The following HAS1 variants were observed in gnomAD, a reference collection of about 807,000 sequenced individuals.
HAS1 encodes the protein HA synthase 1.
In HAS1, 27 loss-of-function variants were observed where a neutral mutation model predicts 35.0. The ratio of observed to expected loss-of-function variants is 0.77; its 90% CI spans 0.57 to 1.06. The LOEUF (loss-of-function observed/expected upper bound fraction) is 1.06. HAS1 is among the 50% of genes least tolerant of loss of function. The probability of loss-of-function intolerance (pLI) is 0.00; values close to 1 mark genes in which losing one functional copy is unlikely to be tolerated. For missense variants in HAS1, 940 were observed against 814.8 expected (o/e 1.15, Z -1.87); for synonymous variants, 409 against 371.2 (o/e 1.10, Z -1.17).
Position 51,713,902 on chromosome 19 carries a change from C to T in HAS1, c.1259G>A (p.Arg420His), listed in dbSNP as rs1416323528. 6.2e-7 allele frequency: 1 copy of T among 1,607,106 alleles called. No homozygotes were observed. The highest frequency in any genetic ancestry group is 8.5e-7 in the Non-Finnish European group (1 of 1,179,928). The change falls in exon 5 of 5, where the codon CGT becomes CAT. Residue 420 changes from arginine (R) to histidine (H), a missense_variant. Coordinates refer to ENST00000540069, the MANE Select transcript of HAS1 (RefSeq NM_001297436.2). The surrounding 1 kb of genome is among the most constrained non-coding windows in gnomAD (Gnocchi z 4.5). The stretch of plus-strand genomic sequence containing the variant: ...CCAAGGGCGGCCCGCGTAGAACAGA[C>T]GCAGCACAGTGGCCGCCACGAAGAA... Reference protein sequence around the residue: ...FPFFVAATVLRLFYAGRPWAL... With the variant: ...FPFFVAATVLHLFYAGRPWAL...
At position 51,717,207 on chromosome 19, in the gene HAS1, G is replaced by A; in HGVS notation, c.700-14C>T. 6.3e-7 allele frequency: 1 copy of A among 1,577,018 alleles called. No individual in the cohort carries two copies. Among genetic ancestry groups the A allele is most frequent in the Non-Finnish European group, 8.7e-7 (1 of 1,149,326 alleles). On this transcript the variant is annotated splice_polypyrimidine_tract_variant and intron_variant, in intron 2 of 4. Transcript: ENST00000540069. ...CGAGTCACAGACCTGTAAGGTGGAA[G>A]GGGCCAGGATCAGCACAGACCCCTG... is the stretch of plus-strand genomic sequence containing the variant.
At chr19:51,723,122 C>T (rs755713585) in intron 1 of HAS1, among the ~76,000 whole-genome samples, 15 of 152,138 alleles carry the variant, frequency 9.9e-5, no homozygotes, top group Admixed American at 3.3e-4. Context: ...GATGAACACA[C>T]GTGTAGACAC....
At position 51,719,895 on chromosome 19, in the gene HAS1, C is replaced by T. The variant is rs536327922; in HGVS notation, c.10G>A (p.Asp4Asn). 3.9e-6 allele frequency: 6 copies of T among 1,530,972 alleles called. No individual in the cohort carries two copies. In the African/African-American group the frequency reaches 6.9e-5, roughly 18 times the overall value. The allele number at this position is 1,530,972 out of a possible 1,614,324, so 94.8% of individuals were successfully genotyped here. Residue 4 changes from aspartate to asparagine, a missense_variant and splice_region_variant, in exon 2 of 5, where the codon GAC becomes AAC. Physicochemically the swap from Asp to Asn is conservative, Grantham distance 23. Coordinates refer to ENST00000540069, the MANE Select transcript of HAS1 (RefSeq NM_001297436.2). The part of the protein sequence containing the change: MRQ[D>N]APKPTPAACR... ...GCTGCAGGAGTGGGCTTGGGCGCGTCCTGCTGGGAGCGAGAGGGGAAAGGA... is the reference window on the plus strand; with the variant it reads ...GCTGCAGGAGTGGGCTTGGGCGCGTTCTGCTGGGAGCGAGAGGGGAAAGGA...
rs1227890289 is a variant in HAS1 at position 51,713,354 on chromosome 19, C to G, written c.*73G>C. Reference sequence around the variant, plus strand: ...GGCCCAGAGAACCACCCAGCAAGTTCGTGGCTCGGGGCCCAGCAGCTCTCC... The same window carrying G: ...GGCCCAGAGAACCACCCAGCAAGTTGGTGGCTCGGGGCCCAGCAGCTCTCC... On this transcript the variant is annotated 3_prime_UTR_variant, in exon 5 of 5. Coordinates refer to ENST00000540069, the MANE Select transcript of HAS1 (RefSeq NM_001297436.2). The surrounding 1 kb of genome is among the most constrained non-coding windows in gnomAD (Gnocchi z 4.5). The G allele has an allele frequency of 5.8e-6, 8 of 1,372,376 alleles. No homozygotes were observed. Among genetic ancestry groups the G allele is most frequent in the Non-Finnish European group, 7.6e-6 (8 of 1,047,754 alleles). The allele number at this position is 1,372,376 out of a possible 1,614,324, so 85.0% of individuals were successfully genotyped here.
At chr19:51,717,364 C>T (rs1599793023) in intron 2 of HAS1, among the ~76,000 whole-genome samples, 171 bp from the exon 3 acceptor site, 1 of 152,148 alleles carries the variant, frequency 6.6e-6, no homozygotes, top group Non-Finnish European at 1.5e-5. Flanking sequence ...AACATGTACT[C>T]CAAGATGCAC....
rs1194163032 is a variant in HAS1, at chr19:51,714,091, C to T, written c.1070G>A (p.Arg357Lys). 1 of 1,612,328 alleles carries T rather than the reference C, an allele frequency of 6.2e-7. No individual in the cohort carries two copies. The highest frequency in any genetic ancestry group is 2.2e-5 in the East Asian group (1 of 44,808). The part of the protein sequence containing the change: ...SMGYATKYTS[R>K]SRCYSETPSS... ...GGGCGTCTCTGAGTAGCAGCGGGAC[C>T]TGGAGGTGTACCTGCACGGGGGCGA... The change falls in exon 5 of 5, where the codon AGG becomes AAG. Residue 357 changes from arginine (R) to lysine (K), a missense_variant. By Grantham distance (26) the Arg-to-Lys change is conservative (BLOSUM62 2). Coordinates refer to ENST00000540069, the MANE Select transcript of HAS1 (RefSeq NM_001297436.2).
intron 4 of HAS1, among the ~76,000 whole-genome samples, chr19:51,714,354 C>A (rs575112433): frequency 7.0e-5 from 10 of 142,382 alleles, no homozygotes; most frequent in African/African-American, 2.6e-4. Context: ...GGCAACATAG[C>A]AAGACCCCAT....
In HAS1 at chr19:51,713,554, T is replaced by A. The variant is rs780313591; in HGVS notation, c.1607A>T (p.Glu536Val). The change falls in exon 5 of 5, where the codon GAG becomes GTG. Residue 536 changes from glutamate (E) to valine (V), a missense_variant. Physicochemically the swap from Glu to Val is moderately radical, Grantham distance 121 (BLOSUM62 -2). Transcript: ENST00000540069. The surrounding 1 kb of genome is among the most constrained non-coding windows in gnomAD (Gnocchi z 4.5). ...ADWSGPSRAA[E>V]AYHLAAGAGA... ...GGCCCCCGCGGCCAAGTGGTAGGCC[T>A]CGGCTGCGCGGGAAGGGCCGCTCCA... is the stretch of plus-strand genomic sequence containing the variant. The A allele has an allele frequency of 6.3e-6, 10 of 1,581,678 alleles. No homozygotes were observed. In the East Asian group the frequency reaches 2.1e-4, roughly 33 times the overall value.
chr19:51,714,093 G>C lies in HAS1; in HGVS notation c.1068C>G (p.Ser356=). ...LSMGYATKYT[S]RSRCYSETPS... ...GCGTCTCTGAGTAGCAGCGGGACCTGGAGGTGTACCTGCACGGGGGCGAGG... is the reference window on the plus strand; with the variant it reads ...GCGTCTCTGAGTAGCAGCGGGACCTCGAGGTGTACCTGCACGGGGGCGAGG... The change falls in exon 5 of 5, where the codon TCC becomes TCG. Residue 356 remains serine (S), a synonymous_variant. Coordinates refer to ENST00000540069, the MANE Select transcript of HAS1 (RefSeq NM_001297436.2). 6 of 1,612,096 alleles carry C rather than the reference G, an allele frequency of 3.7e-6. No individual in the cohort carries two copies. The highest frequency in any genetic ancestry group is 5.1e-6 in the Non-Finnish European group (6 of 1,179,242).
intron 4 of HAS1, 87 bp downstream of exon 4, chr19:51,716,169 T>C: frequency 8.4e-7 from 1 of 1,184,228 alleles, no homozygotes; most frequent in Non-Finnish European, 1.2e-6. Context: ...TGAGTTACTT[T>C]GGATTTGGAG....
At chr19:51,723,894 C>CAT (rs2083647888) in intron 1 of HAS1, 31 bp downstream of exon 1, 1 of 1,408,564 alleles carries the variant, frequency 7.1e-7, no homozygotes, top group Non-Finnish European at 9.6e-7. Context: ...TACACACACA[C>CAT]ACACACACAC....
In HAS1 at chr19:51,713,895, G is replaced by C. The variant is rs765181371; in HGVS notation, c.1266C>G (p.Phe422Leu). The stretch of plus-strand genomic sequence containing the variant: ...GCAGCGCCCAAGGGCGGCCCGCGTA[G>C]AACAGACGCAGCACAGTGGCCGCCA... Reference protein sequence around the residue: ...FFVAATVLRLFYAGRPWALLW... With the variant: ...FFVAATVLRLLYAGRPWALLW... The change falls in exon 5 of 5, where the codon TTC becomes TTG. Residue 422 changes from phenylalanine to leucine, a missense_variant. Physicochemically the swap from Phe to Leu is conservative, Grantham distance 22. Transcript: ENST00000540069. The surrounding 1 kb of genome is among the most constrained non-coding windows in gnomAD (Gnocchi z 4.5). The C allele has an allele frequency of 1.2e-5, 20 of 1,606,756 alleles. No individual in the cohort carries two copies. Among genetic ancestry groups the C allele is most frequent in the Non-Finnish European group, 1.6e-5 (19 of 1,179,910 alleles).
intron 4 of HAS1, among the ~76,000 whole-genome samples, chr19:51,715,029 G>T (rs894926686): frequency 1.3e-5 from 2 of 152,104 alleles, no homozygotes; most frequent in South Asian, 4.1e-4. Flanking sequence ...CCTCCTTCCT[G>T]TTTTGTGGCA....
In HAS1 at chr19:51,718,029, G is replaced by A. The variant is rs777770543; in HGVS notation, c.700-836C>T. 4 of 157,476 alleles carry A rather than the reference G, an allele frequency of 2.5e-5. No homozygotes were observed. The South Asian group carries it at 6.6e-4, about 26-fold the overall frequency. 9.8% of individuals were successfully genotyped at this position (157,476 alleles called of 1,614,324 possible). On this transcript the variant is annotated intron_variant, in intron 2 of 4. Transcript: ENST00000540069. ...GAAGTGGGCAGATCACCTGAGGTCA[G>A]GAGTTTGAGACCAGCCTAGCCAACA... is the stretch of plus-strand genomic sequence containing the variant.
At chr19:51,714,985 C>G (rs2083577349) in intron 4 of HAS1, among the ~76,000 whole-genome samples, 1 of 152,044 alleles carries the variant, frequency 6.6e-6, no homozygotes, top group Non-Finnish European at 1.5e-5. Flanking sequence ...CCAGGGTAGT[C>G]TATGTATTAG....
In HAS1 at chr19:51,713,929, G is replaced by A; in HGVS notation, c.1232C>T (p.Pro411Leu). 8.1e-6 allele frequency: 13 copies of A among 1,609,262 alleles called. No homozygotes were observed. Among genetic ancestry groups the A allele is most frequent in the Non-Finnish European group, 1.1e-5 (13 of 1,180,000 alleles). ...TYEAVVSGLFPFFVAATVLRL... is the reference protein window; with the variant it reads ...TYEAVVSGLFLFFVAATVLRL... ...CAGCACAGTGGCCGCCACGAAGAAG[G>A]GGAACAGGCCGGAGACCACCGCCTC... Residue 411 changes from proline to leucine, a missense_variant, in exon 5 of 5, where the codon CCC becomes CTC. By Grantham distance (98) the Pro-to-Leu change is moderately conservative. Coordinates refer to ENST00000540069, the MANE Select transcript of HAS1 (RefSeq NM_001297436.2). This position sits in a 1 kb window ranked among gnomAD's most constrained non-coding sequence, Gnocchi z 4.5.
At chr19:51,714,650 C>T (rs184108572) in intron 4 of HAS1, among the ~76,000 whole-genome samples, 3 of 143,964 alleles carry the variant, frequency 2.1e-5, no homozygotes, top group East Asian at 2.0e-4. Context: ...ATGATCGTGC[C>T]CCTGCACTCC....
chr19:51,721,644 T>C (rs1230890647), intron 1 of HAS1, among the ~76,000 whole-genome samples: 2 of 152,074 alleles, frequency 1.3e-5, no homozygotes. Flanking sequence ...CGCACGACTG[T>C]AGTCTCAGCT....
intron 4 of HAS1, among the ~76,000 whole-genome samples, chr19:51,715,578 A>G (rs2083581104): frequency 6.6e-6 from 1 of 152,140 alleles, no homozygotes; most frequent in African/African-American, 2.4e-5. Flanking sequence ...CTATTGCTGT[A>G]TCCCCGCAGC....
Sources: allele counts gnomAD v4.1 joint callset (sites outside exome capture counted in the v4.1 genomes callset), GRCh38; gene constraint gnomAD v4.1.1; non-coding constraint Gnocchi (gnomAD v3.1); transcripts MANE v1.5; gene names NCBI Gene and HGNC (gene_info 2026-07-23, HGNC 2026-07-21).